Variants in ZFAND3 observed in about 807,000 individuals in gnomAD.
ZFAND3 encodes AN1-type zinc finger protein 3.
Under a neutral mutation model 29.6 loss-of-function variants are expected in ZFAND3, and 10 were observed. The observed-to-expected ratio is 0.34, with a 90% CI of 0.21 to 0.57. ZFAND3 has a LOEUF of 0.57. Ranked by LOEUF, ZFAND3 falls within the 20% of genes least tolerant of loss-of-function variation. ZFAND3 has a pLI of 0.86. For missense variants in ZFAND3, 230 were observed against 304.5 expected, an observed-to-expected ratio of 0.76 and a Z score of 1.82; for synonymous variants, 128 against 112.6, an observed-to-expected ratio of 1.14 and a Z score of -0.87.
chr6:38,006,605 A>G (rs150143338), intron 2 of ZFAND3, among the ~76,000 whole-genome samples: 4 of 151,302 alleles, frequency 2.6e-5, no homozygotes, highest in Non-Finnish European at 5.9e-5. Flanking sequence ...TTCTCAGAAA[A>G]CTTCTGTGTA....
Position 37,820,013 on chromosome 6 carries a change from G to T in ZFAND3, c.68G>T (p.Trp23Leu). 1 of 1,219,790 alleles carries T rather than the reference G, an allele frequency of 8.2e-7. No individual in the cohort carries two copies. 75.6% of individuals were successfully genotyped at this position (1,219,790 alleles called of 1,614,324 possible). ...SLPPRCPCGF[W>L]GSSKTMNLCS... ...CCGCCTCGCTGTCCCTGCGGCTTCT[G>T]GGGGTAAGTGCCCGGCCGGGTGGGG... The change falls in exon 1 of 6, where the codon TGG (tryptophan) becomes TTG (leucine). Residue 23 changes from tryptophan (W) to leucine (L), a missense_variant. Physicochemically the swap from Trp to Leu is moderately conservative, Grantham distance 61. Transcript: ENST00000287218.
At chr6:37,945,391 A>G (rs1292377429) in intron 2 of ZFAND3, among the ~76,000 whole-genome samples, 1 of 152,144 alleles carries the variant, frequency 6.6e-6, no homozygotes. Flanking sequence ...GCATTGGAAG[A>G]TCATTGACAT....
At chr6:38,047,892 G>C (rs533758696) in intron 2 of ZFAND3, among the ~76,000 whole-genome samples, 1 of 151,554 alleles carries the variant, frequency 6.6e-6, no homozygotes, top group African/African-American at 2.4e-5. Context: ...GTTTTTGCAG[G>C]TAAATTAGCC....
rs202131045 is a variant in ZFAND3, at chr6:38,047,973, G to T, written c.113-13620G>T. Among the ~76,000 whole-genome samples, 342 of 137,534 alleles carry T rather than the reference G, an allele frequency of 2.5e-3. 2 individuals carry two copies. The highest frequency in any genetic ancestry group is 5.4e-3 in the African/African-American group (197 of 36,564). 90.2% of individuals were successfully genotyped at this position (137,534 alleles called of 152,430 possible). A position where few individuals can be genotyped will look rare whatever the true frequency, so the allele number is the denominator to read the frequency against. ...AGACCTAGGTTTTTGGGTTTTTTTT[G>T]TTTTTTTTTTTTTTACTTTTTGTGT... On this transcript the variant is annotated intron_variant, in intron 2 of 5. Transcript: ENST00000287218.
At chr6:38,034,607 C>A (rs1351402279) in intron 2 of ZFAND3, among the ~76,000 whole-genome samples, 1 of 151,994 alleles carries the variant, frequency 6.6e-6, no homozygotes, top group Non-Finnish European at 1.5e-5. Flanking sequence ...ATCATTTTTT[C>A]CAGTGTGGCT....
At chr6:37,973,954 C>T (rs557823629) in intron 2 of ZFAND3, among the ~76,000 whole-genome samples, 3 of 152,254 alleles carry the variant, frequency 2.0e-5, no homozygotes, top group African/African-American at 4.8e-5. Context: ...CTTTAGTGAC[C>T]GAGAGTTTAT....
chr6:37,949,917 A>T (rs2127420211), intron 2 of ZFAND3, among the ~76,000 whole-genome samples: 1 of 152,290 alleles, frequency 6.6e-6, no homozygotes, highest in East Asian at 1.9e-4. Context: ...TCATGACATT[A>T]TCATTTCTTC....
At chr6:38,007,275 C>T (rs1481773235) in intron 2 of ZFAND3, among the ~76,000 whole-genome samples, 1 of 152,126 alleles carries the variant, frequency 6.6e-6, no homozygotes, top group Non-Finnish European at 1.5e-5. Context: ...AATCCTAACA[C>T]TTTGGGAGGC....
intron 1 of ZFAND3, among the ~76,000 whole-genome samples, chr6:37,919,879 C>A (rs148051895): frequency 6.6e-6 from 1 of 152,258 alleles, no homozygotes; most frequent in African/African-American, 2.4e-5. Context: ...ACCTCAGTGT[C>A]CCTGACTAGT....
chr6:37,893,193 C>G (rs531021840), intron 1 of ZFAND3, among the ~76,000 whole-genome samples: 1 of 152,236 alleles, frequency 6.6e-6, no homozygotes, highest in South Asian at 2.1e-4. Flanking sequence ...AAATCCTTAA[C>G]AAAATGCTAG....
chr6:38,146,024 A>T (rs1348621022), intron 5 of ZFAND3, among the ~76,000 whole-genome samples: 1 of 152,218 alleles, frequency 6.6e-6, no homozygotes, highest in Non-Finnish European at 1.5e-5. Flanking sequence ...TGGTAGCAAC[A>T]GTCAGGGAAG....
At chr6:37,994,040 T>C (rs1221485349) in intron 2 of ZFAND3, among the ~76,000 whole-genome samples, 2 of 152,188 alleles carry the variant, frequency 1.3e-5, no homozygotes, top group South Asian at 2.1e-4. Context: ...TTTCTAACTT[T>C]TTAAAAAAAC....
At chr6:38,004,963 G>T (rs777391922) in intron 2 of ZFAND3, among the ~76,000 whole-genome samples, 1 of 152,182 alleles carries the variant, frequency 6.6e-6, no homozygotes, top group Non-Finnish European at 1.5e-5. Flanking sequence ...GGTCTCTTCT[G>T]ATTCTAAAAG....
chr6:37,905,250 T>G (rs1765387658), intron 1 of ZFAND3, among the ~76,000 whole-genome samples: 1 of 152,170 alleles, frequency 6.6e-6, no homozygotes, highest in African/African-American at 2.4e-5. Context: ...GGCTGACCAC[T>G]TGGACTTTTA....
In ZFAND3 at chr6:37,921,366, G is replaced by A. The variant is rs531149863; in HGVS notation, c.72-8593G>A. 2.0e-5 allele frequency among the ~76,000 whole-genome samples: 3 copies of A among 151,440 alleles called. No individual in the cohort carries two copies. In the East Asian group the frequency reaches 5.8e-4, roughly 29 times the overall value. ...GAAGAGCTTGGTATACTTACGTGCT[G>A]GTACTGTTTTTTTTTATACTTTTCT... is the stretch of plus-strand genomic sequence containing the variant. On this transcript the variant is annotated intron_variant, in intron 1 of 5. Coordinates refer to ENST00000287218, the MANE Select transcript of ZFAND3 (RefSeq NM_021943.3).
chr6:37,845,737 A>G (rs1031949970), intron 1 of ZFAND3, among the ~76,000 whole-genome samples: 2 of 152,178 alleles, frequency 1.3e-5, no homozygotes, highest in African/African-American at 2.4e-5. Flanking sequence ...TCCTTGGAAC[A>G]TACTCTCTTA....
rs542004071 is a variant in ZFAND3 at position 38,092,931 on chromosome 6, C to G, written c.361+10474C>G. ...TGTAGTACCCTCAAAACTAACCTAT[C>G]AGGAGACTTCCTACTGTTAGAGATA... is the stretch of plus-strand genomic sequence containing the variant. On this transcript the variant is annotated intron_variant, in intron 4 of 5. Transcript: ENST00000287218. 3.3e-5 allele frequency among the ~76,000 whole-genome samples: 5 copies of G among 152,282 alleles called. No individual in the cohort carries two copies. In the South Asian group the frequency reaches 1.0e-3, roughly 32 times the overall value.
At chr6:38,147,980 T>C (rs1489885004) in intron 5 of ZFAND3, among the ~76,000 whole-genome samples, 1 of 152,224 alleles carries the variant, frequency 6.6e-6, no homozygotes, top group Non-Finnish European at 1.5e-5. Flanking sequence ...CATTTGTCTA[T>C]TTTTGTTTTT....
intron 1 of ZFAND3, among the ~76,000 whole-genome samples, chr6:37,926,454 T>A (rs1483319985): frequency 1.3e-5 from 2 of 152,188 alleles, no homozygotes; most frequent in Non-Finnish European, 1.5e-5. Flanking sequence ...TCCATCTTCA[T>A]GTGGCTGTTT....
Sources: gnomAD v4.1 joint callset for allele counts (sites outside exome capture counted in the v4.1 genomes callset) on GRCh38, gnomAD v4.1.1 for gene constraint, MANE v1.5 for transcripts, NCBI Gene and HGNC (gene_info 2026-07-23, HGNC 2026-07-21) for gene names.